PRPF3: variants seen among roughly 807,000 people sequenced by gnomAD.
The protein encoded by PRPF3 is pre-mRNA processing factor 3, also known as U4/U6 small nuclear ribonucleoprotein Prp3.
Under a neutral mutation model 89.2 loss-of-function variants are expected in PRPF3, and 3 were observed. That is an observed-to-expected ratio of 0.03 (90% CI 0.02 to 0.09). The LOEUF (loss-of-function observed/expected upper bound fraction) is 0.09. PRPF3 is among the 10% of genes least tolerant of loss of function. The pLI, the probability that PRPF3 is intolerant of heterozygous loss-of-function variation, is 1.00. For missense variants in PRPF3, 463 were observed against 828.8 expected (o/e 0.56, Z 5.42); for synonymous variants, 270 against 289.1 (o/e 0.93, Z 0.67).
At chr1:150,347,295 TACAC>T (rs1166292798) in intron 14 of PRPF3, among the ~76,000 whole-genome samples, 18 of 151,566 alleles carry the variant, frequency 1.2e-4, no homozygotes, top group Non-Finnish European at 2.4e-4. Context: ...CACACATACA[TACAC>T]ACATGTACAC....
At chr1:150,339,789 T>A (rs1030250872) in intron 8 of PRPF3, among the ~76,000 whole-genome samples, 2 of 136,200 alleles carry the variant, frequency 1.5e-5, no homozygotes, top group Admixed American at 7.6e-5. Flanking sequence ...TGTTGCACAA[T>A]CTCGGCTCGC....
rs587709722 is a variant in PRPF3 at position 150,336,710 on chromosome 1, C to T, written c.1036-1450C>T. ...GGCAGAGGTTGCAGTGAGCTGAGAT[C>T]GCACCACTGCACTCCAGCATGGGCA... On this transcript the variant is annotated intron_variant, in intron 7 of 15. Coordinates refer to ENST00000324862, the MANE Select transcript of PRPF3 (RefSeq NM_004698.4). Among the ~76,000 whole-genome samples, 29 of 151,912 alleles carry T rather than the reference C, an allele frequency of 1.9e-4. 1 individual carries two copies. Among genetic ancestry groups the T allele is most frequent in the South Asian group, 1.9e-3 (9 of 4,808 alleles).
intron 4 of PRPF3, among the ~76,000 whole-genome samples, chr1:150,332,234 AAG>A (rs1187854099): frequency 3.1e-3 from 2 of 646 alleles, no homozygotes; most frequent in Non-Finnish European, 4.8e-3. Context: ...AAAAAAAAAA[AAG>A]AAAATTAAGT....
At chr1:150,337,912 T>C (rs1553868604) in intron 7 of PRPF3, among the ~76,000 whole-genome samples, 2 of 151,954 alleles carry the variant, frequency 1.3e-5, no homozygotes, top group African/African-American at 4.8e-5. Flanking sequence ...CCATCTCTAC[T>C]AAAAATACAA....
In PRPF3 at chr1:150,343,294, A is replaced by G. The variant is rs2102009740; in HGVS notation, c.1283-15A>G. On this transcript the variant is annotated splice_polypyrimidine_tract_variant and intron_variant, in intron 9 of 15. Coordinates refer to ENST00000324862, the MANE Select transcript of PRPF3 (RefSeq NM_004698.4). Reference sequence around the variant, plus strand: ...ATTCTTACTGCTTTGGTATACTAATATCTCTGCCTGACAGTTGACAATGAC... The same window carrying G: ...ATTCTTACTGCTTTGGTATACTAATGTCTCTGCCTGACAGTTGACAATGAC... 6.2e-7 allele frequency: 1 copy of G among 1,601,346 alleles called. No individual in the cohort carries two copies.
At chr1:150,322,563 G>T (rs367740351) in intron 1 of PRPF3, among the ~76,000 whole-genome samples, 1 of 152,250 alleles carries the variant, frequency 6.6e-6, no homozygotes, top group East Asian at 1.9e-4. Context: ...TGGGGTAATA[G>T]AACCACCATA....
chr1:150,352,912 A>C lies in PRPF3; in HGVS notation c.1985A>C (p.Lys662Thr). Residue 662 changes from lysine (K) to threonine (T), a missense_variant, in exon 16 of 16, where the codon AAA (lysine) becomes ACA (threonine). Lys to Thr is a moderately conservative substitution (Grantham distance 78, BLOSUM62 -1). Transcript: ENST00000324862. ...GAGAACATGGCTCGTGAGCATTTCA[A>C]AAAGCATGGGGCTGAACACTACTGG... Reference protein sequence around the residue: ...PTENMAREHFKKHGAEHYWDL... With the variant: ...PTENMAREHFTKHGAEHYWDL... 6.2e-7 allele frequency: 1 copy of C among 1,614,222 alleles called. No homozygotes were observed. Among genetic ancestry groups the C allele is most frequent in the Non-Finnish European group, 8.5e-7 (1 of 1,180,030 alleles).
intron 15 of PRPF3, among the ~76,000 whole-genome samples, chr1:150,352,011 C>T (rs1288710783): frequency 6.6e-6 from 1 of 152,154 alleles, no homozygotes; most frequent in African/African-American, 2.4e-5. Context: ...CTGAACGCCT[C>T]TTGAGGTATT....
intron 1 of PRPF3, among the ~76,000 whole-genome samples, chr1:150,323,551 A>G (rs1655340772): frequency 6.6e-6 from 1 of 151,200 alleles, no homozygotes; most frequent in Non-Finnish European, 1.5e-5. Flanking sequence ...AGGAGAATCA[A>G]GTGAACCCAG....
chr1:150,327,514 C>T (rs1655862742), intron 3 of PRPF3: 6 of 958,402 alleles, frequency 6.3e-6, no homozygotes, highest in South Asian at 4.8e-5. Context: ...GGTCCCCACC[C>T]CACACAATAT....
intron 5 of PRPF3, 60 bp downstream of exon 5, chr1:150,332,827 A>T (rs1656561904): frequency 1.1e-5 from 17 of 1,576,920 alleles, no homozygotes; most frequent in Non-Finnish European, 1.4e-5. Flanking sequence ...CTTGCCATCC[A>T]CTCAAAATGA....
chr1:150,342,685 G>A (rs1170704053), intron 9 of PRPF3, among the ~76,000 whole-genome samples: 5 of 151,986 alleles, frequency 3.3e-5, no homozygotes, highest in African/African-American at 4.8e-5. Flanking sequence ...ACCACGCCCA[G>A]CTAATTTTTG....
At position 150,349,341 on chromosome 1, in the gene PRPF3, C is replaced by G. The variant is rs986379537; in HGVS notation, c.1905+123C>G. 9.9e-6 allele frequency: 8 copies of G among 810,896 alleles called. No individual in the cohort carries two copies. In the Admixed American group the frequency reaches 1.5e-4, roughly 15 times the overall value. The allele number at this position is 810,896 out of a possible 1,614,324, so 50.2% of individuals were successfully genotyped here. A position where few individuals can be genotyped will look rare whatever the true frequency, so the allele number is the denominator to read the frequency against. ...ATAATGTTTTAAATAATTTATGTTT[C>G]TTTTTGGAATCCATTTTTAAATGGT... On this transcript the variant is annotated intron_variant, in intron 15 of 15. Transcript: ENST00000324862.
At chr1:150,338,133 T>C in intron 7 of PRPF3, 27 bp from the exon 8 acceptor site, 1 of 1,612,760 alleles carries the variant, frequency 6.2e-7, no homozygotes, top group Non-Finnish European at 8.5e-7. Flanking sequence ...CAATTTATCT[T>C]TCTGTCTTGG....
intron 1 of PRPF3, among the ~76,000 whole-genome samples, chr1:150,324,198 G>C (rs1655440228): frequency 1.3e-5 from 2 of 152,156 alleles, no homozygotes; most frequent in Admixed American, 1.3e-4. Context: ...GGTTGGGTTA[G>C]GGAATGCCTG....
At chr1:150,345,826 A>C in intron 12 of PRPF3, 192 bp from the exon 13 acceptor site, 1 of 651,242 alleles carries the variant, frequency 1.5e-6, no homozygotes, top group Non-Finnish European at 2.8e-6. Context: ...CTAGACTTTG[A>C]AGAAATGTAA....
intron 3 of PRPF3, 123 bp from the exon 4 acceptor site, chr1:150,328,197 A>T: frequency 8.6e-7 from 1 of 1,156,936 alleles, no homozygotes; most frequent in Non-Finnish European, 1.3e-6. Flanking sequence ...GCAGGTGGCT[A>T]TTTGCAAGGT....
intron 3 of PRPF3, among the ~76,000 whole-genome samples, chr1:150,326,724 G>T (rs968208066): frequency 6.6e-6 from 1 of 151,906 alleles, no homozygotes; most frequent in Non-Finnish European, 1.5e-5. Flanking sequence ...TGTGTTTGGA[G>T]CATTGTAGGG....
At chr1:150,345,865 A>T in intron 12 of PRPF3, 153 bp from the exon 13 acceptor site, 2 of 745,036 alleles carry the variant, frequency 2.7e-6, no homozygotes, top group South Asian at 2.8e-5. Context: ...AGACTCATCA[A>T]CTCTACCTTT....
Sources: gnomAD v4.1 joint callset for allele counts (sites outside exome capture counted in the v4.1 genomes callset) on GRCh38, gnomAD v4.1.1 for gene constraint, MANE v1.5 for transcripts, NCBI Gene and HGNC (gene_info 2026-07-23, HGNC 2026-07-21) for gene names.